The following CADM2 variants were observed in gnomAD, a reference collection of about 807,000 sequenced individuals.
CADM2 encodes cell adhesion molecule 2, also known as immunoglobulin superfamily member 4D.
A neutral mutation model predicts 49.8 loss-of-function variants in CADM2; 12 were observed. The observed-to-expected ratio is 0.24, with a 90% CI of 0.15 to 0.39. The LOEUF (loss-of-function observed/expected upper bound fraction) is 0.39, where lower values mean the gene tolerates loss of function less well. CADM2 is among the 10% of genes least tolerant of loss of function. The pLI is 1.00. For synonymous variants in CADM2, 214 were observed against 175.4 expected, an observed-to-expected ratio of 1.22 and a Z score of -1.74; for missense variants, 378 against 492.3, an observed-to-expected ratio of 0.77 and a Z score of 2.20.
intron 8 of CADM2, among the ~76,000 whole-genome samples, chr3:85,985,039 T>C (rs1213821607): frequency 6.6e-6 from 1 of 152,000 alleles, no homozygotes; most frequent in Non-Finnish European, 1.5e-5. Context: ...CATTTTAAGA[T>C]GTGTACTCAA....
chr3:85,149,501 C>A (rs944123109), intron 1 of CADM2, among the ~76,000 whole-genome samples: 1 of 152,128 alleles, frequency 6.6e-6, no homozygotes, highest in Admixed American at 6.5e-5. Context: ...CTGAGGCAGG[C>A]GGATCATGAG....
chr3:85,799,015 T>C (rs2071816482), intron 2 of CADM2, among the ~76,000 whole-genome samples: 1 of 152,172 alleles, frequency 6.6e-6, no homozygotes, highest in African/African-American at 2.4e-5. Context: ...TTCTAGGTGT[T>C]TTATTCTCTT....
chr3:85,715,211 C>T (rs933125092), intron 1 of CADM2, among the ~76,000 whole-genome samples: 1 of 152,108 alleles, frequency 6.6e-6, no homozygotes, highest in Admixed American at 6.5e-5. Context: ...GTGGTAGATA[C>T]CATCCCACTG....
intron 1 of CADM2, among the ~76,000 whole-genome samples, chr3:85,548,243 T>C (rs1032972662): frequency 6.6e-6 from 1 of 150,924 alleles, no homozygotes; most frequent in African/African-American, 2.4e-5. Context: ...TGGAGTTTGC[T>C]TGGAACTCCT....
chr3:85,331,196 A>G (rs1400047975), intron 1 of CADM2, among the ~76,000 whole-genome samples: 1 of 152,008 alleles, frequency 6.6e-6, no homozygotes, highest in African/African-American at 2.4e-5. Flanking sequence ...TAGTTGCCCT[A>G]CTGTGCTATC....
chr3:85,132,306 A>C (rs1022010725), intron 1 of CADM2, among the ~76,000 whole-genome samples: 7 of 152,152 alleles, frequency 4.6e-5, no homozygotes, highest in Non-Finnish European at 7.3e-5. Context: ...TACCTAAGGA[A>C]ACCTTTAACT....
At chr3:85,859,138 A>G (rs2075422788) in intron 3 of CADM2, among the ~76,000 whole-genome samples, 1 of 151,568 alleles carries the variant, frequency 6.6e-6, no homozygotes, top group Admixed American at 6.6e-5. Flanking sequence ...TCACACACTA[A>G]CCCTATTGTC....
chr3:85,290,361 G>A (rs2043754672), intron 1 of CADM2, among the ~76,000 whole-genome samples: 3 of 152,216 alleles, frequency 2.0e-5, no homozygotes, highest in Non-Finnish European at 4.4e-5. Flanking sequence ...AAGGCTGGGG[G>A]AGGGGCGCCC....
chr3:85,279,749 A>G (rs756466862), intron 1 of CADM2, among the ~76,000 whole-genome samples: 26 of 151,532 alleles, frequency 1.7e-4, no homozygotes, highest in Non-Finnish European at 3.0e-4. Context: ...TGGTATTCTC[A>G]CCAATAATGT....
intron 1 of CADM2, among the ~76,000 whole-genome samples, chr3:84,974,173 G>T (rs2031657272): frequency 6.6e-6 from 1 of 151,586 alleles, no homozygotes; most frequent in South Asian, 2.1e-4. Context: ...ATTGGCTAGT[G>T]ATATCTCTGG....
intron 1 of CADM2, among the ~76,000 whole-genome samples, chr3:85,405,118 T>C (rs2035307696): frequency 6.6e-6 from 1 of 152,092 alleles, no homozygotes; most frequent in Non-Finnish European, 1.5e-5. Flanking sequence ...GTGAAGAACT[T>C]GAGAAAAAGT....
At chr3:84,975,972 G>T (rs1395880703) in intron 1 of CADM2, among the ~76,000 whole-genome samples, 1 of 151,832 alleles carries the variant, frequency 6.6e-6, no homozygotes, top group African/African-American at 2.4e-5. Context: ...TATTCACAAG[G>T]ATGCCTTCAT....
intron 1 of CADM2, among the ~76,000 whole-genome samples, chr3:84,996,682 T>C: frequency 6.6e-6 from 1 of 152,116 alleles, no homozygotes; most frequent in East Asian, 1.9e-4. Context: ...GCCCATATTG[T>C]CTGTGCCCTT....
At chr3:85,870,659 T>C (rs1215946091) in intron 3 of CADM2, among the ~76,000 whole-genome samples, 1 of 152,160 alleles carries the variant, frequency 6.6e-6, no homozygotes, top group Non-Finnish European at 1.5e-5. Flanking sequence ...ATGATGGACA[T>C]TTAGGTTAAT....
rs554283366 is a variant in CADM2 at position 85,449,285 on chromosome 3, T to C, written c.62-277237T>C. On this transcript the variant is annotated intron_variant, in intron 1 of 9. Transcript: ENST00000383699. ...GAATATAAAATTGGTCTATGGGGTC[T>C]AGATGAAGATTTTGTTATATAAAGG... Among the ~76,000 whole-genome samples, 433 of 151,920 alleles carry C rather than the reference T, an allele frequency of 2.9e-3. 2 individuals are homozygous for C. The highest frequency in any genetic ancestry group is 4.8e-3 in the Non-Finnish European group (324 of 67,924).
Position 85,956,598 on chromosome 3 carries a change from A to T in CADM2, c.792-4871A>T, listed in dbSNP as rs73134115. Among the ~76,000 whole-genome samples, 950 of 151,694 alleles carry T rather than the reference A, an allele frequency of 6.3e-3. 4 individuals carry two copies. The highest frequency in any genetic ancestry group is 0.01 in the Non-Finnish European group (687 of 67,756). ...GATCAGTGTCAGCAAAGACTTACAC[A>T]ACTATATCCTCCTGTTAACCAATTT... On this transcript the variant is annotated intron_variant, in intron 7 of 9. Coordinates refer to ENST00000383699, the MANE Select transcript of CADM2 (RefSeq NM_001167675.2).
At chr3:85,070,879 CT>C (rs2036707646) in intron 1 of CADM2, among the ~76,000 whole-genome samples, 1 of 151,860 alleles carries the variant, frequency 6.6e-6, no homozygotes, top group South Asian at 2.1e-4. Flanking sequence ...GTCTCAGCTA[CT>C]GGGGAGGCTG....
chr3:85,908,632 A>G (rs538435086), intron 5 of CADM2, among the ~76,000 whole-genome samples: 2 of 152,108 alleles, frequency 1.3e-5, no homozygotes, highest in East Asian at 3.9e-4. Context: ...GCCATCACCC[A>G]ATTTTAAATG....
At chr3:85,692,022 GT>G (rs2066405131) in intron 1 of CADM2, among the ~76,000 whole-genome samples, 1 of 152,144 alleles carries the variant, frequency 6.6e-6, no homozygotes, top group Non-Finnish European at 1.5e-5. Context: ...TATACCTAAT[GT>G]TAAATGACGA....
Sources: allele counts gnomAD v4.1 joint callset (sites outside exome capture counted in the v4.1 genomes callset), GRCh38; gene constraint gnomAD v4.1.1; transcripts MANE v1.5; gene names NCBI Gene and HGNC (gene_info 2026-07-23, HGNC 2026-07-21).